TTC28: variants seen among roughly 807,000 people sequenced by gnomAD.
TTC28 encodes the protein tetratricopeptide repeat protein 28.
In TTC28, 61 loss-of-function variants were observed where a neutral mutation model predicts 198.0. The observed-to-expected ratio is 0.31, with a 90% confidence interval of 0.25 to 0.38. The LOEUF is 0.38. Among genes scored for constraint, TTC28 ranks in the 10% least tolerant of loss-of-function variants. TTC28 has a pLI of 1.00. For synonymous variants in TTC28, 1,171 were observed against 1,297.8 expected, an observed-to-expected ratio of 0.90 and a Z score of 2.10; for missense variants, 2,678 against 3,164.0, an observed-to-expected ratio of 0.85 and a Z score of 3.69.
chr22:28,140,627 C>T (rs1471637629), intron 6 of TTC28, among the ~76,000 whole-genome samples: 2 of 152,176 alleles, frequency 1.3e-5, no homozygotes, highest in African/African-American at 4.8e-5. Flanking sequence ...GGACTGTGGG[C>T]ATTTCACATA....
At chr22:28,093,888 A>G (rs903839949) in intron 12 of TTC28, among the ~76,000 whole-genome samples, 192 bp downstream of exon 12, 1 of 152,216 alleles carries the variant, frequency 6.6e-6, no homozygotes, top group Admixed American at 6.5e-5. Flanking sequence ...CACCAAAAAG[A>G]ATAAAGACAG....
chr22:28,022,097 A>T (rs925277175), intron 13 of TTC28, among the ~76,000 whole-genome samples: 1 of 152,238 alleles, frequency 6.6e-6, no homozygotes, highest in Non-Finnish European at 1.5e-5. Flanking sequence ...CACTCCATGC[A>T]GTCAGGCAGC....
At chr22:28,538,536 A>C (rs1191125838) in intron 2 of TTC28, among the ~76,000 whole-genome samples, 1 of 150,182 alleles carries the variant, frequency 6.7e-6, no homozygotes, top group Non-Finnish European at 1.5e-5. Context: ...ATTTCACTGA[A>C]TTCCCTTTAG....
chr22:28,397,247 C>T (rs1316631297), intron 2 of TTC28, among the ~76,000 whole-genome samples: 1 of 152,120 alleles, frequency 6.6e-6, no homozygotes, highest in Non-Finnish European at 1.5e-5. Flanking sequence ...TTCTATATAG[C>T]CCTTCATAAC....
intron 2 of TTC28, among the ~76,000 whole-genome samples, chr22:28,452,233 C>CA (rs1385259003): frequency 6.6e-6 from 1 of 151,148 alleles, no homozygotes; most frequent in Non-Finnish European, 1.5e-5. Context: ...ACTAAAAATA[C>CA]AAAAAAATTA....
chr22:28,272,615 T>C (rs1932163807), intron 5 of TTC28, among the ~76,000 whole-genome samples: 1 of 152,234 alleles, frequency 6.6e-6, no homozygotes, highest in Admixed American at 6.5e-5. Flanking sequence ...GACTAGTCTG[T>C]AGCAGAAGAA....
chr22:28,643,103 C>T, intron 1 of TTC28: 1 of 152,232 alleles, frequency 6.6e-6, no homozygotes, highest in East Asian at 1.9e-4. Flanking sequence ...GTTCACCCTC[C>T]TTAGGCAATC....
intron 5 of TTC28, among the ~76,000 whole-genome samples, chr22:28,215,509 T>C (rs1248954718): frequency 2.0e-5 from 3 of 152,230 alleles, no homozygotes; most frequent in Non-Finnish European, 4.4e-5. Context: ...ATAAATTTTC[T>C]TCTGTATAAA....
chr22:28,440,343 T>C (rs2047599409), intron 2 of TTC28, among the ~76,000 whole-genome samples: 2 of 152,190 alleles, frequency 1.3e-5, no homozygotes, highest in African/African-American at 2.4e-5. Flanking sequence ...TTGCAAACCC[T>C]AACTGAATAT....
At chr22:28,434,366 T>C (rs2047484420) in intron 2 of TTC28, among the ~76,000 whole-genome samples, 1 of 152,110 alleles carries the variant, frequency 6.6e-6, no homozygotes, top group Admixed American at 6.6e-5. Context: ...ATATGTAATA[T>C]ATTTTAGAAA....
chr22:28,671,399 A>C (rs1240768837), intron 1 of TTC28, among the ~76,000 whole-genome samples: 3 of 151,714 alleles, frequency 2.0e-5, no homozygotes, highest in Admixed American at 1.3e-4. Flanking sequence ...ACTTTGGGAG[A>C]CCAAGGCAGG....
chr22:28,591,068 TATATATATATATATATAG>T (rs2050427069), intron 2 of TTC28, among the ~76,000 whole-genome samples: 1 of 125,716 alleles, frequency 8.0e-6, no homozygotes, highest in Non-Finnish European at 1.6e-5. Context: ...TATATATATA[TATATATATATATATATAG>T]GAATTGTGAC....
chr22:28,450,558 G>A (rs112897315), intron 2 of TTC28, among the ~76,000 whole-genome samples: 101 of 152,168 alleles, frequency 6.6e-4, no homozygotes, highest in African/African-American at 2.0e-3. Flanking sequence ...TATCCCATAC[G>A]TATGATAATC....
intron 12 of TTC28, 66 bp from the exon 13 acceptor site, chr22:28,030,432 T>C: frequency 3.3e-6 from 5 of 1,534,270 alleles, no homozygotes; most frequent in Non-Finnish European, 4.4e-6. Context: ...AAGTCAGCTC[T>C]GAGGTCCTAT....
rs1168561079 is a variant in TTC28, at chr22:27,982,529, C to T, written c.7138G>A (p.Gly2380Arg). 3 of 1,551,704 alleles carry T rather than the reference C, an allele frequency of 1.9e-6. No individual in the cohort carries two copies. The highest frequency in any genetic ancestry group is 2.4e-5 in the East Asian group (1 of 40,886). ...HSTGPMKIFR[G>R]APGTMTSKRD... ...TTGGAAGTCATCGTGCCAGGAGCCC[C>T]CCGGAAGATCTTCATTGGCCCTGTG... Residue 2380 changes from glycine to arginine, a missense_variant, in exon 23 of 23, where the codon GGG becomes AGG. Physicochemically the swap from Gly to Arg is moderately radical, Grantham distance 125 (BLOSUM62 -2). Transcript: ENST00000397906. This position sits in a 1 kb window ranked among gnomAD's most constrained non-coding sequence, Gnocchi z 5.2.
At chr22:28,348,774 G>A (rs964546463) in intron 2 of TTC28, among the ~76,000 whole-genome samples, 1 of 152,168 alleles carries the variant, frequency 6.6e-6, no homozygotes, top group Non-Finnish European at 1.5e-5. Context: ...GAAATGTCAG[G>A]CTCTTTAAAC....
intron 21 of TTC28, among the ~76,000 whole-genome samples, chr22:27,988,558 G>A (rs1028007104): frequency 1.3e-5 from 2 of 152,050 alleles, no homozygotes; most frequent in African/African-American, 2.4e-5. Flanking sequence ...AAAGTGCTGG[G>A]ATTACAGGAG....
At chr22:28,579,590 T>C (rs1446885225) in intron 2 of TTC28, among the ~76,000 whole-genome samples, 1 of 150,712 alleles carries the variant, frequency 6.6e-6, no homozygotes, top group African/African-American at 2.4e-5. Flanking sequence ...TGTATATATA[T>C]ATATACACGA....
rs945309172 is a variant in TTC28, at chr22:28,369,181, T to C, written c.382-62538A>G. Among the ~76,000 whole-genome samples the C allele has an allele frequency of 1.1e-4, 17 of 152,188 alleles. No individual in the cohort carries two copies. The South Asian group carries it at 3.5e-3, about 32-fold the overall frequency. On this transcript the variant is annotated intron_variant, in intron 2 of 22. Coordinates refer to ENST00000397906, the MANE Select transcript of TTC28 (RefSeq NM_001145418.2). ...AAGGAATCACATACCAGACTTCAAA[T>C]TACACTACAGAACTATAGTAACCAA...
Sources: gnomAD v4.1 joint callset for allele counts (sites outside exome capture counted in the v4.1 genomes callset) on GRCh38, gnomAD v4.1.1 for gene constraint, Gnocchi (gnomAD v3.1) non-coding constraint, MANE v1.5 for transcripts, NCBI Gene and HGNC (gene_info 2026-07-23, HGNC 2026-07-21) for gene names.